Variants in SPMIP6 observed in about 807,000 individuals in gnomAD.
The protein encoded by SPMIP6 is sperm microtubule inner protein 6.
the SPMIP6 span, among the ~76,000 whole-genome samples, chr9:34,386,164 A>T: frequency 1.3e-5 from 2 of 152,186 alleles, no homozygotes; most frequent in African/African-American, 4.8e-5. Flanking sequence ...CCAACAGTGC[A>T]TCAGGCCCCA....
the SPMIP6 span, chr9:34,381,737 ACT>A: frequency 7.6e-7 from 1 of 1,310,402 alleles, no homozygotes; most frequent in South Asian, 1.9e-5. The surrounding 1 kb of genome is among the most constrained non-coding windows in gnomAD (Gnocchi z 4.4). Context: ...TGTCTAGCTG[ACT>A]CTGTTTAGCT....
the SPMIP6 span, among the ~76,000 whole-genome samples, chr9:34,386,090 G>A: frequency 6.6e-6 from 1 of 152,204 alleles, no homozygotes; most frequent in Non-Finnish European, 1.5e-5. Context: ...GAAGGTCAGA[G>A]CTACATATAC....
At chr9:34,397,265 T>G in the SPMIP6 span, among the ~76,000 whole-genome samples, 1 of 152,344 alleles carries the variant, frequency 6.6e-6, no homozygotes. Flanking sequence ...TTTGAAGAAT[T>G]TATAAAACTC....
At chr9:34,395,607 TC>T in the SPMIP6 span, among the ~76,000 whole-genome samples, 1 of 152,340 alleles carries the variant, frequency 6.6e-6, no homozygotes, top group Middle Eastern at 3.4e-3. Context: ...GATGATGACT[TC>T]AAGATCTCTA....
At chr9:34,382,950 TC>T in the SPMIP6 span, 4 of 975,376 alleles carry the variant, frequency 4.1e-6, no homozygotes, top group South Asian at 5.2e-5. Flanking sequence ...ATGTTTCTCT[TC>T]CGATTCCCAG....
At chr9:34,382,599 T>C in the SPMIP6 span, 1 of 527,296 alleles carries the variant, frequency 1.9e-6, no homozygotes, top group Non-Finnish European at 3.4e-6. Context: ...AAAAAAAAAA[T>C]ACAAACTCTA....
chr9:34,384,000 C>A, the SPMIP6 span, among the ~76,000 whole-genome samples: 1 of 152,196 alleles, frequency 6.6e-6, no homozygotes. Context: ...CCTTAGCCCC[C>A]AGTCACCTAA....
the SPMIP6 span, among the ~76,000 whole-genome samples, chr9:34,390,734 T>A: frequency 2.0e-5 from 3 of 152,250 alleles, no homozygotes; most frequent in South Asian, 6.2e-4. Flanking sequence ...TTCCTCCTGC[T>A]TCAGCCTCCG....
the SPMIP6 span, chr9:34,380,608 G>C: frequency 6.8e-7 from 1 of 1,463,374 alleles, no homozygotes; most frequent in Non-Finnish European, 9.1e-7. Flanking sequence ...AAAACCCTCT[G>C]ACGGGACCTC....
At chr9:34,383,751 A>G in the SPMIP6 span, among the ~76,000 whole-genome samples, 49 of 152,346 alleles carry the variant, frequency 3.2e-4, no homozygotes, top group Non-Finnish European at 6.6e-4. Context: ...CAACTTTAAA[A>G]TGGGGATAAT....
the SPMIP6 span, among the ~76,000 whole-genome samples, chr9:34,387,899 T>C: frequency 9.2e-5 from 14 of 152,194 alleles, no homozygotes; most frequent in African/African-American, 3.1e-4. Flanking sequence ...TCCTTCAACC[T>C]TTGGCCTGAG....
At chr9:34,394,833 C>A in the SPMIP6 span, among the ~76,000 whole-genome samples, 1 of 152,126 alleles carries the variant, frequency 6.6e-6, no homozygotes, top group African/African-American at 2.4e-5. Context: ...CTATACTTAC[C>A]ACTCATCTCC....
At chr9:34,396,262 G>A in the SPMIP6 span, among the ~76,000 whole-genome samples, 22 of 152,184 alleles carry the variant, frequency 1.4e-4, no homozygotes, top group East Asian at 4.1e-3. Context: ...GTGCTTCTCT[G>A]AGTTATCTGC....
the SPMIP6 span, among the ~76,000 whole-genome samples, chr9:34,391,312 C>T: frequency 6.6e-6 from 1 of 152,072 alleles, no homozygotes; most frequent in African/African-American, 2.4e-5. Context: ...TCTTAATTCT[C>T]TAGAGATTTG....
chr9:34,392,219 C>T, the SPMIP6 span, among the ~76,000 whole-genome samples: 1 of 152,184 alleles, frequency 6.6e-6, no homozygotes, highest in East Asian at 1.9e-4. The surrounding 1 kb of genome is among the most constrained non-coding windows in gnomAD (Gnocchi z 4.6). Context: ...CACACCATCA[C>T]ACCCAGCTAA....
the SPMIP6 span, chr9:34,380,803 T>G: frequency 2.6e-6 from 4 of 1,511,898 alleles, no homozygotes; most frequent in Non-Finnish European, 2.7e-6. Flanking sequence ...GCTGGGGGCC[T>G]GCACGGAAGC....
the SPMIP6 span, among the ~76,000 whole-genome samples, chr9:34,389,631 C>T: frequency 6.5e-4 from 99 of 152,218 alleles, no homozygotes; most frequent in African/African-American, 1.8e-3. Context: ...CTGCCTGCCT[C>T]AGCCTCCTAA....
chr9:34,389,443 C>G, the SPMIP6 span, among the ~76,000 whole-genome samples: 1 of 152,128 alleles, frequency 6.6e-6, no homozygotes, highest in Non-Finnish European at 1.5e-5. Flanking sequence ...GAACTTTTGC[C>G]CTTCTCTATA....
chr9:34,381,169 C>T, the SPMIP6 span: 11 of 1,557,708 alleles, frequency 7.1e-6, no homozygotes, highest in African/African-American at 1.5e-4. This position sits in a 1 kb window ranked among gnomAD's most constrained non-coding sequence, Gnocchi z 4.4. Flanking sequence ...GACCCAAAGA[C>T]AGATGCACAG....
Sources: allele counts gnomAD v4.1 joint callset (sites outside exome capture counted in the v4.1 genomes callset), GRCh38; gene constraint gnomAD v4.1.1; non-coding constraint Gnocchi (gnomAD v3.1); transcripts MANE v1.5; gene names NCBI Gene and HGNC (gene_info 2026-07-23, HGNC 2026-07-21).